CPE: variants seen among roughly 807,000 people sequenced by gnomAD.
CPE encodes the protein carbocypeptidase E.
A neutral mutation model predicts 53.5 loss-of-function variants in CPE; 17 were observed. The ratio of observed to expected loss-of-function variants is 0.32; its 90% CI spans 0.22 to 0.48. CPE has a LOEUF of 0.48. Ranked by LOEUF, CPE falls within the 20% of genes least tolerant of loss-of-function variation. CPE has a pLI of 0.99. For synonymous variants in CPE, 226 were observed against 228.8 expected, an observed-to-expected ratio of 0.99 and a Z score of 0.11; for missense variants, 524 against 614.7, an observed-to-expected ratio of 0.85 and a Z score of 1.56.
intron 4 of CPE, among the ~76,000 whole-genome samples, chr4:165,483,349 C>T (rs1428802325): frequency 6.6e-6 from 1 of 152,156 alleles, no homozygotes; most frequent in Non-Finnish European, 1.5e-5. Context: ...CTTAGTATTG[C>T]ATAGTGTATA....
chr4:165,423,348 A>T (rs1033379080), intron 1 of CPE, among the ~76,000 whole-genome samples: 2 of 151,902 alleles, frequency 1.3e-5, no homozygotes, highest in Non-Finnish European at 2.9e-5. Flanking sequence ...TTCATAAATA[A>T]ACTATTTTTA....
chr4:165,474,623 A>G (rs1406398405), intron 3 of CPE, among the ~76,000 whole-genome samples: 1 of 152,214 alleles, frequency 6.6e-6, no homozygotes, highest in Non-Finnish European at 1.5e-5. Flanking sequence ...CAGAAGAGAT[A>G]CTAGAGTAAA....
chr4:165,450,852 C>G (rs1307627542), intron 1 of CPE, among the ~76,000 whole-genome samples: 3 of 152,300 alleles, frequency 2.0e-5, no homozygotes, highest in East Asian at 3.9e-4. Context: ...CGTGGGCACT[C>G]AAGTAGGTTG....
chr4:165,447,755 T>C (rs1731742198), intron 1 of CPE, among the ~76,000 whole-genome samples: 1 of 152,142 alleles, frequency 6.6e-6, no homozygotes, highest in African/African-American at 2.4e-5. Context: ...TTCTTTCTCT[T>C]ATATCCTATT....
chr4:165,432,438 G>A (rs571771416), intron 1 of CPE, among the ~76,000 whole-genome samples: 3 of 152,070 alleles, frequency 2.0e-5, no homozygotes, highest in Non-Finnish European at 4.4e-5. Flanking sequence ...TGGGACTACA[G>A]GTGTGTGCCA....
At chr4:165,420,156 T>G (rs1270615832) in intron 1 of CPE, among the ~76,000 whole-genome samples, 1 of 152,194 alleles carries the variant, frequency 6.6e-6, no homozygotes, top group Non-Finnish European at 1.5e-5. Flanking sequence ...TTCTTTGCTT[T>G]GTTATTCCCA....
rs371052323 is a variant in CPE at position 165,404,831 on chromosome 4, A to AGCAGCT, written c.307+25307_307+25312dup. 884 of 766,888 alleles carry AGCAGCT rather than the reference A, an allele frequency of 1.2e-3. 7 individuals are homozygous for AGCAGCT. In the African/African-American group the frequency reaches 0.014, roughly 12 times the overall value. 47.5% of individuals were successfully genotyped at this position (766,888 alleles called of 1,614,324 possible). On this transcript the variant is annotated intron_variant, in intron 1 of 8. Transcript: ENST00000402744. Reference sequence around the variant, plus strand: ...AGTCTTCTTGGTTGTGATCATCTCCAGCAGCTGCATCTTGTCTGCGGGAGA... The same window carrying AGCAGCT: ...AGTCTTCTTGGTTGTGATCATCTCCAGCAGCTGCAGCTGCATCTTGTCTGCGGGAGA...
At chr4:165,459,674 T>TGGGGGGGGGGGGGGGGG (rs572743841) in intron 1 of CPE, among the ~76,000 whole-genome samples, 1 of 56,652 alleles carries the variant, frequency 1.8e-5, no homozygotes, top group Non-Finnish European at 3.5e-5. Context: ...GAGGGCTGGG[T>TGGGGGGGGGGGGGGGGG]GGGGGGGGGC....
chr4:165,392,189 C>A (rs1730689625), intron 1 of CPE, among the ~76,000 whole-genome samples: 1 of 145,532 alleles, frequency 6.9e-6, no homozygotes. Context: ...ATATAATATA[C>A]TTATATATAT....
intron 1 of CPE, among the ~76,000 whole-genome samples, chr4:165,389,448 A>G (rs772674625): frequency 9.9e-5 from 15 of 152,128 alleles, no homozygotes; most frequent in Non-Finnish European, 1.8e-4. Flanking sequence ...TGTTTTTTTC[A>G]GGAAGTTTTC....
At chr4:165,423,139 G>T (rs887076982) in intron 1 of CPE, among the ~76,000 whole-genome samples, 2 of 152,176 alleles carry the variant, frequency 1.3e-5, no homozygotes, top group Non-Finnish European at 2.9e-5. Context: ...ATCTCAGTGA[G>T]CAGAGGGATG....
At chr4:165,485,633 CTT>C (rs936509447) in intron 5 of CPE, among the ~76,000 whole-genome samples, 19 of 152,094 alleles carry the variant, frequency 1.2e-4, no homozygotes, top group African/African-American at 4.1e-4. Flanking sequence ...TTTATAAAAA[CTT>C]TAATGACTTC....
chr4:165,409,177 T>C (rs1406265865), intron 1 of CPE, among the ~76,000 whole-genome samples: 1 of 151,950 alleles, frequency 6.6e-6, no homozygotes, highest in African/African-American at 2.4e-5. Context: ...ATTATGACAC[T>C]GAATACGGGA....
intron 7 of CPE, among the ~76,000 whole-genome samples, chr4:165,494,245 C>A (rs1290582587): frequency 3.9e-5 from 6 of 152,168 alleles, no homozygotes; most frequent in Admixed American, 3.9e-4. Flanking sequence ...AGTATCCCTG[C>A]CACAAGAAAC....
intron 1 of CPE, among the ~76,000 whole-genome samples, chr4:165,386,531 C>G: frequency 6.6e-6 from 1 of 152,142 alleles, no homozygotes; most frequent in Non-Finnish European, 1.5e-5. Flanking sequence ...TGGTACTTTT[C>G]TTTTGCATAT....
chr4:165,414,706 C>T (rs865991625), intron 1 of CPE, among the ~76,000 whole-genome samples: 1 of 151,508 alleles, frequency 6.6e-6, no homozygotes, highest in African/African-American at 2.4e-5. Context: ...TACACACACA[C>T]ACACATACAC....
intron 1 of CPE, among the ~76,000 whole-genome samples, chr4:165,393,754 T>G (rs577978014): frequency 6.6e-6 from 1 of 152,314 alleles, no homozygotes; most frequent in Non-Finnish European, 1.5e-5. Context: ...ATCAGTTATG[T>G]TTTCAAATCC....
chr4:165,432,769 C>T (rs1030505217), intron 1 of CPE, among the ~76,000 whole-genome samples: 10 of 152,122 alleles, frequency 6.6e-5, no homozygotes, highest in African/African-American at 2.4e-4. Context: ...CTCTGTTCAT[C>T]TTTGTTTCCA....
intron 1 of CPE, among the ~76,000 whole-genome samples, chr4:165,384,249 A>G (rs1199680041): frequency 6.6e-6 from 1 of 152,230 alleles, no homozygotes; most frequent in Non-Finnish European, 1.5e-5. Flanking sequence ...ACAGGTTTGT[A>G]TATTGAAAGA....
Sources: gnomAD v4.1 joint callset for allele counts (sites outside exome capture counted in the v4.1 genomes callset) on GRCh38, gnomAD v4.1.1 for gene constraint, MANE v1.5 for transcripts, NCBI Gene and HGNC (gene_info 2026-07-23, HGNC 2026-07-21) for gene names.